LY96: variants seen among roughly 807,000 people sequenced by gnomAD.
The protein encoded by LY96 is lymphocyte antigen 96.
A neutral mutation model predicts 18.9 loss-of-function variants in LY96; 18 were observed. The ratio of observed to expected loss-of-function variants is 0.95; its 90% CI spans 0.66 to 1.41. The LOEUF (loss-of-function observed/expected upper bound fraction) is 1.41, where lower values mean the gene tolerates loss of function less well. Ranked by LOEUF, LY96 falls within the 40% of genes most tolerant of loss-of-function variation. The pLI is 0.00. For synonymous variants in LY96, 66 were observed against 62.6 expected (o/e 1.06, Z -0.26); for missense variants, 175 against 182.4 (o/e 0.96, Z 0.23).
the LY96 span, among the ~76,000 whole-genome samples, chr8:74,050,228 G>A: frequency 2.6e-5 from 4 of 151,500 alleles, no homozygotes; most frequent in South Asian, 2.1e-4. Context: ...CTGTAATCCC[G>A]GCTACTCAGG....
the LY96 span, among the ~76,000 whole-genome samples, chr8:74,061,595 A>G: frequency 6.6e-6 from 1 of 152,222 alleles, no homozygotes; most frequent in African/African-American, 2.4e-5. Flanking sequence ...TGTATATTTC[A>G]AAGTTGCTAA....
In LY96 at chr8:74,026,823, G is replaced by A; in HGVS notation, c.366G>A (p.Lys122=). 1 of 1,527,244 alleles carries A rather than the reference G, an allele frequency of 6.5e-7. No homozygotes were observed. The highest frequency in any genetic ancestry group is 9.1e-7 in the Non-Finnish European group (1 of 1,101,906). 94.6% of individuals were successfully genotyped at this position (1,527,244 alleles called of 1,614,324 possible). The change falls in exon 4 of 5, where the codon AAG becomes AAA. Residue 122 remains lysine, a synonymous_variant. Transcript: ENST00000284818. ...ATACAACAATATCATTCTCCTTCAA[G>A]GGAATAAAATTTTCTAAGGTATTGT... ...TVNTTISFSF[K]GIKFSKGKYK...
At chr8:73,993,642 C>T (rs991575596) in intron 1 of LY96, among the ~76,000 whole-genome samples, 1 of 152,136 alleles carries the variant, frequency 6.6e-6, no homozygotes, top group African/African-American at 2.4e-5. Flanking sequence ...AGGGTTTTGC[C>T]ATGTTGACCA....
the LY96 span, among the ~76,000 whole-genome samples, chr8:74,039,574 G>A: frequency 2.6e-5 from 4 of 152,156 alleles, no homozygotes; most frequent in African/African-American, 9.7e-5. Flanking sequence ...CAAGACAAGC[G>A]GGGCAGGGTA....
chr8:74,001,976 T>TTCCTTCCCTCCC (rs1816282620), intron 1 of LY96, among the ~76,000 whole-genome samples: 2 of 73,806 alleles, frequency 2.7e-5, no homozygotes, highest in Non-Finnish European at 5.7e-5. Flanking sequence ...CCTTCCTTCC[T>TTCCTTCCCTCCC]TCCCTCCCTC....
intron 3 of LY96, among the ~76,000 whole-genome samples, chr8:74,016,308 G>A (rs543373876): frequency 4.6e-5 from 7 of 152,248 alleles, no homozygotes; most frequent in Non-Finnish European, 1.0e-4. Context: ...CCTGGCTCGG[G>A]AGGGGCGTCC....
At chr8:74,081,623 G>A in the LY96 span, among the ~76,000 whole-genome samples, 1 of 151,670 alleles carries the variant, frequency 6.6e-6, no homozygotes, top group African/African-American at 2.4e-5. Flanking sequence ...CGAGCTCCTG[G>A]GCTCAAACAA....
the LY96 span, chr8:74,099,719 C>T: frequency 1.4e-4 from 22 of 152,330 alleles, 2 homozygotes; most frequent in African/African-American, 4.1e-4. Context: ...ACTTACCATA[C>T]GTTTCTGTTC....
rs1003985932 is a variant in LY96 at position 74,006,438 on chromosome 8, T to C, written c.202+1553T>C. Among the ~76,000 whole-genome samples, 20 of 152,306 alleles carry C rather than the reference T, an allele frequency of 1.3e-4. No individual in the cohort carries two copies. In the South Asian group the frequency reaches 2.9e-3, roughly 22 times the overall value. ...GTCTTGAACTCCTAACCTCAAGTGA[T>C]CCACCCGCCTAGGCCTCCCAAAGTG... On this transcript the variant is annotated intron_variant, in intron 2 of 4. Coordinates refer to ENST00000284818, the MANE Select transcript of LY96 (RefSeq NM_015364.5).
the LY96 span, among the ~76,000 whole-genome samples, chr8:74,050,679 C>T: frequency 2.6e-5 from 4 of 152,186 alleles, no homozygotes; most frequent in South Asian, 6.2e-4. Flanking sequence ...ATTACCATCA[C>T]CAAAACATAA....
At chr8:74,096,173 T>C in the LY96 span, among the ~76,000 whole-genome samples, 1 of 152,200 alleles carries the variant, frequency 6.6e-6, no homozygotes, top group Non-Finnish European at 1.5e-5. Context: ...AAACATCCCT[T>C]GCATGGATTC....
At chr8:74,088,607 A>C in the LY96 span, among the ~76,000 whole-genome samples, 5 of 151,952 alleles carry the variant, frequency 3.3e-5, no homozygotes, top group African/African-American at 7.3e-5. Flanking sequence ...TTATTTATTG[A>C]GAGAGTCTCA....
At chr8:74,030,818 G>A (rs1167781347), downstream of LY96, among the ~76,000 whole-genome samples, 1 of 152,184 alleles carries the variant, frequency 6.6e-6, no homozygotes, top group Non-Finnish European at 1.5e-5. Context: ...CTCCATTTAA[G>A]AACCAAATCA....
chr8:74,033,578 A>G (rs114604303), downstream of LY96, among the ~76,000 whole-genome samples: 1,155 of 152,318 alleles, frequency 7.6e-3, 14 homozygotes, highest in African/African-American at 0.026. Flanking sequence ...AACTTTATAG[A>G]AGCTGCTAGA....
intron 1 of LY96, among the ~76,000 whole-genome samples, chr8:73,997,147 G>A (rs559169300): frequency 6.6e-6 from 1 of 152,302 alleles, no homozygotes; most frequent in African/African-American, 2.4e-5. Flanking sequence ...ATGAGCCACC[G>A]TGTCCGGCCT....
the LY96 span, among the ~76,000 whole-genome samples, chr8:74,058,931 G>T: frequency 6.6e-6 from 1 of 152,150 alleles, no homozygotes; most frequent in Non-Finnish European, 1.5e-5. Flanking sequence ...GTAGTTCAAG[G>T]CCTGAGAACC....
chr8:74,042,902 G>A, the LY96 span, among the ~76,000 whole-genome samples: 4 of 151,602 alleles, frequency 2.6e-5, no homozygotes, highest in East Asian at 1.9e-4. Flanking sequence ...TCAGCCTCCC[G>A]AGTAGCTGGG....
chr8:74,044,828 C>G, the LY96 span, among the ~76,000 whole-genome samples: 3 of 152,226 alleles, frequency 2.0e-5, no homozygotes, highest in African/African-American at 4.8e-5. Context: ...TACATTTCAG[C>G]TGTCTTGTCA....
chr8:74,091,669 G>A, the LY96 span, among the ~76,000 whole-genome samples: 4 of 152,162 alleles, frequency 2.6e-5, no homozygotes, highest in South Asian at 2.1e-4. Context: ...CTCTCTAAGC[G>A]ATATTTCTGC....
Sources: gnomAD v4.1 joint callset for allele counts (sites outside exome capture counted in the v4.1 genomes callset) on GRCh38, gnomAD v4.1.1 for gene constraint, MANE v1.5 for transcripts, NCBI Gene and HGNC (gene_info 2026-07-23, HGNC 2026-07-21) for gene names.